CALCOCO1: variants seen among roughly 807,000 people sequenced by gnomAD.
CALCOCO1 encodes the protein calcium-binding and coiled-coil domain-containing protein 1.
In CALCOCO1, 44 loss-of-function variants were observed where a neutral mutation model predicts 86.3. That is an observed-to-expected ratio of 0.51 (90% CI 0.40 to 0.66). CALCOCO1 has a LOEUF of 0.66. Among genes scored for constraint, CALCOCO1 ranks in the 30% least tolerant of loss-of-function variants. The pLI, the probability that CALCOCO1 is intolerant of heterozygous loss-of-function variation, is 0.00. For synonymous variants in CALCOCO1, 297 were observed against 327.6 expected (o/e 0.91, Z 1.01); for missense variants, 708 against 851.1 (o/e 0.83, Z 2.09).
chr12:53,724,152 TTG>T, intron 3 of CALCOCO1: 1 of 421,434 alleles, frequency 2.4e-6, no homozygotes, highest in Non-Finnish European at 4.6e-6. Flanking sequence ...TGCCTCAGCC[TTG>T]TGAGTAGCTG....
rs112676888 is a variant in CALCOCO1 at position 53,713,581 on chromosome 12, G to A, written c.1791+120C>T. ...CTTGGGAGACTGAGGTGGGAGGATC[G>A]CTTCAGCCCAGGAGGCAGAGGCTGC... On this transcript the variant is annotated intron_variant, in intron 13 of 14. Transcript: ENST00000550804. The A allele has an allele frequency of 4.1e-3, 3,745 of 918,840 alleles. 103 individuals carry two copies. The African/African-American group carries it at 0.056, about 14-fold the overall frequency. 56.9% of individuals were successfully genotyped at this position (918,840 alleles called of 1,614,324 possible).
intron 7 of CALCOCO1, among the ~76,000 whole-genome samples, chr12:53,719,339 A>G (rs1945808255): frequency 6.6e-6 from 1 of 151,798 alleles, no homozygotes; most frequent in African/African-American, 2.4e-5. Flanking sequence ...CAGCCTGCCC[A>G]ACATGGTGAA....
chr12:53,712,752 C>CTA, intron 14 of CALCOCO1: 1 of 1,267,680 alleles, frequency 7.9e-7, no homozygotes, highest in Non-Finnish European at 1.0e-6. Context: ...TCCCTTCCTC[C>CTA]CCGGAGGACC....
intron 10 of CALCOCO1, 51 bp downstream of exon 10, chr12:53,715,149 G>A (rs1256673365): frequency 1.9e-6 from 3 of 1,598,552 alleles, no homozygotes; most frequent in Non-Finnish European, 2.6e-6. Context: ...GAAGGGGTAT[G>A]GATGCCTCAG....
chr12:53,711,736 G>C lies in CALCOCO1; in HGVS notation c.*208C>G. The C allele has an allele frequency of 2.1e-6, 1 of 467,324 alleles. No individual in the cohort carries two copies. The highest frequency in any genetic ancestry group is 3.7e-6 in the Non-Finnish European group (1 of 271,730). The allele number at this position is 467,324 out of a possible 1,614,324, so 28.9% of individuals were successfully genotyped here. A position where few individuals can be genotyped will look rare whatever the true frequency, so the allele number is the denominator to read the frequency against. ...TAAATTCAGCCACTGCTTCCGAACA[G>C]GACCCCTCCCTGGGACAAAAGAGCC... On this transcript the variant is annotated 3_prime_UTR_variant, in exon 15 of 15. Transcript: ENST00000550804.
chr12:53,725,051 C>T (rs1261507111), intron 2 of CALCOCO1, 36 bp downstream of exon 2: 5 of 1,541,124 alleles, frequency 3.2e-6, no homozygotes, highest in Non-Finnish European at 4.4e-6. Flanking sequence ...CAACTCACAG[C>T]CCATAAACCT....
At position 53,722,095 on chromosome 12, in the gene CALCOCO1, C is replaced by A. The variant is rs150332172; in HGVS notation, c.539G>T (p.Arg180Leu). 6.2e-7 allele frequency: 1 copy of A among 1,613,942 alleles called. No homozygotes were observed. ...CAGAGCCCTCTCGAGCTCCTGCACT[C>A]GGCTCCTCAGCTCTGTCACCTGTCC... The part of the protein sequence containing the change: ...LEGQVTELRS[R>L]VQELERALAT... Residue 180 changes from arginine to leucine, a missense_variant, in exon 5 of 15, where the codon CGA becomes CTA. By Grantham distance (102) the Arg-to-Leu change is moderately radical. Transcript: ENST00000550804.
In CALCOCO1 at chr12:53,712,073, G is replaced by A. The variant is rs372084106; in HGVS notation, c.1947C>T (p.Ala649=). ...TAGGACACTCCTTCCATGTGGGGGT[G>A]GCAGGGCCCCCAGTGCTGGTTTCTG... ...TLSETSTGGP[A]TPTWKECPIC... Residue 649 remains alanine (A), a synonymous_variant, in exon 15 of 15, where the codon GCC becomes GCT. Coordinates refer to ENST00000550804, the MANE Select transcript of CALCOCO1 (RefSeq NM_020898.3). 2.6e-4 allele frequency: 420 copies of A among 1,611,216 alleles called. No homozygotes were observed. The highest frequency in any genetic ancestry group is 3.3e-4 in the Non-Finnish European group (391 of 1,178,722).
rs530224944 is a variant in CALCOCO1 at position 53,714,973 on chromosome 12, C to T, written c.1386+227G>A. Among the ~76,000 whole-genome samples, 12 of 152,248 alleles carry T rather than the reference C, an allele frequency of 7.9e-5. No homozygotes were observed. In the East Asian group the frequency reaches 2.1e-3, roughly 27 times the overall value. On this transcript the variant is annotated intron_variant, in intron 10 of 14. Coordinates refer to ENST00000550804, the MANE Select transcript of CALCOCO1 (RefSeq NM_020898.3). ...CAGAGGCCTTGGTCATACCAAGGGG[C>T]CACTCTATAATTCTCCTAAGTCACC... is the stretch of plus-strand genomic sequence containing the variant.
intron 4 of CALCOCO1, 103 bp from the exon 5 acceptor site, chr12:53,722,286 T>C (rs1945895258): frequency 3.0e-6 from 4 of 1,324,298 alleles, no homozygotes; most frequent in Admixed American, 1.8e-5. Flanking sequence ...GGAAGTTACA[T>C]AGCTTTGGGT....
At chr12:53,715,580 A>T in intron 9 of CALCOCO1, 1 of 751,018 alleles carries the variant, frequency 1.3e-6, no homozygotes, top group Non-Finnish European at 2.1e-6. Flanking sequence ...GTTCCAAGGA[A>T]GGTACTCTGG....
At chr12:53,719,409 C>T (rs1017191762) in intron 7 of CALCOCO1, among the ~76,000 whole-genome samples, 4 of 152,026 alleles carry the variant, frequency 2.6e-5, no homozygotes, top group Non-Finnish European at 5.9e-5. Flanking sequence ...GGCTGTAATC[C>T]CCGCTGCTCA....
chr12:53,716,200 G>A, intron 8 of CALCOCO1, 60 bp downstream of exon 8: 1 of 1,601,630 alleles, frequency 6.2e-7, no homozygotes, highest in Non-Finnish European at 8.5e-7. Flanking sequence ...AGACACGCAG[G>A]CTTCTCTACA....
intron 3 of CALCOCO1, chr12:53,724,245 C>A: frequency 2.5e-6 from 1 of 399,320 alleles, no homozygotes; most frequent in Non-Finnish European, 4.9e-6. Flanking sequence ...CCAGGCATCC[C>A]CTTTTACTGT....
chr12:53,714,097 G>A, intron 12 of CALCOCO1, 36 bp downstream of exon 12: 1 of 1,513,310 alleles, frequency 6.6e-7, no homozygotes, highest in African/African-American at 1.4e-5. Context: ...GAGGTAGAGT[G>A]GGGAAGAGGT....
At position 53,722,008 on chromosome 12, in the gene CALCOCO1, C is replaced by A. The variant is rs1482401383; in HGVS notation, c.609+17G>T. The A allele has an allele frequency of 6.2e-7, 1 of 1,611,884 alleles. No homozygotes were observed. The highest frequency in any genetic ancestry group is 1.1e-5 in the South Asian group (1 of 91,034). On this transcript the variant is annotated intron_variant, in intron 5 of 14. Coordinates refer to ENST00000550804, the MANE Select transcript of CALCOCO1 (RefSeq NM_020898.3). ...GTGAGCAGCCAGGCCCTGTCCCCTA[C>A]CTGGCCCAGCTCCCACCTTGTACTG...
chr12:53,712,036 G>A lies in CALCOCO1; in HGVS notation c.1984C>T (p.Arg662Cys), dbSNP rs376685260. 40 of 1,611,972 alleles carry A rather than the reference G, an allele frequency of 2.5e-5. No homozygotes were observed. The highest frequency in any genetic ancestry group is 1.2e-4 in the Admixed American group (7 of 59,620). ...TCCTTGTCACTCTCAGCAGGAAAGC[G>A]CTCCTTACAGATAGGACACTCCTTC... is the stretch of plus-strand genomic sequence containing the variant. ...TWKECPICKE[R>C]FPAESDKDAL... The change falls in exon 15 of 15, where the codon CGC (arginine) becomes TGC (cysteine). Residue 662 changes from arginine to cysteine, a missense_variant. Arg to Cys is a radical substitution (Grantham distance 180). Transcript: ENST00000550804.
rs559204413 is a variant in CALCOCO1 at position 53,714,114 on chromosome 12, A to C, written c.1591+19T>G. 2 of 1,581,682 alleles carry C rather than the reference A, an allele frequency of 1.3e-6. No homozygotes were observed. Among genetic ancestry groups the C allele is most frequent in the South Asian group, 2.2e-5 (2 of 90,512 alleles). ...GGTAGAGTGGGGAAGAGGTGTTACA[A>C]GATTGGGGCTACACGGACTCAGCCC... On this transcript the variant is annotated intron_variant, in intron 12 of 14. Coordinates refer to ENST00000550804, the MANE Select transcript of CALCOCO1 (RefSeq NM_020898.3).
intron 7 of CALCOCO1, among the ~76,000 whole-genome samples, chr12:53,719,312 G>A (rs1945807701): frequency 6.6e-6 from 1 of 151,846 alleles, no homozygotes; most frequent in Non-Finnish European, 1.5e-5. Flanking sequence ...GATCACTTGA[G>A]GTCAAGAGTT....
Sources: allele counts gnomAD v4.1 joint callset (sites outside exome capture counted in the v4.1 genomes callset), GRCh38; gene constraint gnomAD v4.1.1; transcripts MANE v1.5; gene names NCBI Gene and HGNC (gene_info 2026-07-23, HGNC 2026-07-21).